The following ZNF385D variants were observed in gnomAD, a reference collection of about 807,000 sequenced individuals.
ZNF385D encodes zinc finger protein 659.
A neutral mutation model predicts 35.8 loss-of-function variants in ZNF385D; 15 were observed. The ratio of observed to expected loss-of-function variants is 0.42; its 90% CI spans 0.28 to 0.64. The LOEUF is 0.64. Among genes scored for constraint, ZNF385D ranks in the 30% least tolerant of loss-of-function variants. The probability of loss-of-function intolerance (pLI) is 0.23; values close to 1 mark genes in which losing one functional copy is unlikely to be tolerated. For synonymous variants in ZNF385D, 212 were observed against 186.8 expected (o/e 1.13, Z -1.10); for missense variants, 474 against 494.6 (o/e 0.96, Z 0.39).
At chr3:22,247,451 A>G (rs1699844436) in intron 2 of ZNF385D, among the ~76,000 whole-genome samples, 1 of 152,166 alleles carries the variant, frequency 6.6e-6, no homozygotes, top group Non-Finnish European at 1.5e-5. Context: ...CAATTATGCC[A>G]TGAAAATTAT....
chr3:21,924,177 A>G (rs942887372), intron 3 of ZNF385D, among the ~76,000 whole-genome samples: 5 of 152,206 alleles, frequency 3.3e-5, no homozygotes, highest in African/African-American at 7.2e-5. Flanking sequence ...GAACAGATGT[A>G]TATTTCCCTA....
At chr3:21,955,276 T>C (rs779657021) in intron 3 of ZNF385D, among the ~76,000 whole-genome samples, 4 of 152,094 alleles carry the variant, frequency 2.6e-5, no homozygotes, top group African/African-American at 4.8e-5. Flanking sequence ...GCAGGTGATA[T>C]AGGAGATGGA....
rs534049919 is a variant in ZNF385D at position 21,723,437 on chromosome 3, C to T, written c.22+27458G>A. 7.9e-5 allele frequency among the ~76,000 whole-genome samples: 12 copies of T among 152,182 alleles called. No individual in the cohort carries two copies. In the South Asian group the frequency reaches 2.5e-3, roughly 32 times the overall value. On this transcript the variant is annotated intron_variant, in intron 1 of 7. Transcript: ENST00000281523. ...TTAGACGAATTGCTAACTAGAATAA[C>T]CAGTTTAGAGAAGAACATAAATGAC...
chr3:22,263,917 A>G (rs149962947), intron 2 of ZNF385D, among the ~76,000 whole-genome samples: 71 of 152,160 alleles, frequency 4.7e-4, no homozygotes, highest in African/African-American at 1.6e-3. Context: ...AGTGTCAAGG[A>G]TGATAAATTC....
chr3:22,066,220 A>G lies in ZNF385D; in HGVS notation c.325+102597T>C, dbSNP rs568736592. ...TCAAAAGTTATGCTCAGAAAAGAAA[A>G]GAGAGACTGCTTATGAAACAAGTGT... On this transcript the variant is annotated intron_variant, in intron 3 of 5. Transcript: ENST00000494108. Among the ~76,000 whole-genome samples the G allele has an allele frequency of 2.0e-5, 3 of 152,150 alleles. No individual in the cohort carries two copies. The South Asian group carries it at 6.2e-4, about 32-fold the overall frequency.
intron 3 of ZNF385D, among the ~76,000 whole-genome samples, chr3:21,863,347 G>A (rs1697162067): frequency 6.6e-6 from 1 of 152,074 alleles, no homozygotes; most frequent in Admixed American, 6.6e-5. Flanking sequence ...ATTATAACTT[G>A]TAATATATTT....
chr3:22,286,072 G>A (rs1004384469), intron 2 of ZNF385D, among the ~76,000 whole-genome samples: 13 of 152,208 alleles, frequency 8.5e-5, no homozygotes, highest in African/African-American at 2.9e-4. Context: ...CTACAGTGGT[G>A]TACAGGTAGC....
chr3:22,123,279 T>C (rs1703207399), intron 3 of ZNF385D, among the ~76,000 whole-genome samples: 1 of 151,212 alleles, frequency 6.6e-6, no homozygotes, highest in Admixed American at 6.6e-5. Flanking sequence ...AGTTCAAGAG[T>C]ACAGTTTTAC....
At chr3:22,169,137 A>G in intron 2 of ZNF385D, 1 of 430,374 alleles carries the variant, frequency 2.3e-6, no homozygotes, top group Non-Finnish European at 3.1e-6. Context: ...ACACACAAGA[A>G]TTAAAAATTT....
chr3:22,303,354 C>A (rs762548652), intron 2 of ZNF385D, among the ~76,000 whole-genome samples: 1 of 152,090 alleles, frequency 6.6e-6, no homozygotes, highest in Non-Finnish European at 1.5e-5. Flanking sequence ...AAACATATGG[C>A]CTGTCTCTTG....
chr3:22,283,343 T>C (rs1701865329), intron 2 of ZNF385D, among the ~76,000 whole-genome samples: 1 of 152,100 alleles, frequency 6.6e-6, no homozygotes, highest in Non-Finnish European at 1.5e-5. Context: ...CTAACAGATA[T>C]TTACAGAACA....
At chr3:22,148,141 C>T (rs565275396) in intron 3 of ZNF385D, among the ~76,000 whole-genome samples, 1 of 152,050 alleles carries the variant, frequency 6.6e-6, no homozygotes, top group South Asian at 2.1e-4. Context: ...CATATAGAAC[C>T]ATATAATTCA....
chr3:21,665,100 G>T, intron 1 of ZNF385D, 72 bp from the exon 2 acceptor site: 1 of 1,483,576 alleles, frequency 6.7e-7, no homozygotes, highest in South Asian at 1.4e-5. Flanking sequence ...TTGCTTTTGA[G>T]ACAAAAAAGG....
chr3:22,236,853 G>A (rs1699213665), intron 2 of ZNF385D, among the ~76,000 whole-genome samples: 1 of 152,086 alleles, frequency 6.6e-6, no homozygotes, highest in Admixed American at 6.6e-5. Context: ...AATGTAGCAT[G>A]GATCAGTATT....
intron 3 of ZNF385D, among the ~76,000 whole-genome samples, chr3:21,830,963 A>G (rs1694954277): frequency 6.6e-6 from 1 of 152,174 alleles, no homozygotes. Flanking sequence ...TATTCTGTTA[A>G]AAACTAGTAT....
chr3:21,878,500 A>G (rs1356438713), intron 3 of ZNF385D, among the ~76,000 whole-genome samples: 1 of 150,852 alleles, frequency 6.6e-6, no homozygotes, highest in Non-Finnish European at 1.5e-5. Context: ...TTGAAAATCT[A>G]TTTTGTGTTT....
chr3:21,654,699 G>GACTT (rs1012849308), intron 2 of ZNF385D, among the ~76,000 whole-genome samples: 3 of 151,920 alleles, frequency 2.0e-5, no homozygotes, highest in African/African-American at 7.2e-5. Context: ...AAATGAAATA[G>GACTT]ACTTACAAAA....
At chr3:22,298,139 T>C (rs1430730569) in intron 2 of ZNF385D, among the ~76,000 whole-genome samples, 1 of 151,818 alleles carries the variant, frequency 6.6e-6, no homozygotes, top group African/African-American at 2.4e-5. Context: ...TCAAATGAAG[T>C]TAAAATCAAA....
At chr3:22,137,886 G>A (rs898551849) in intron 3 of ZNF385D, among the ~76,000 whole-genome samples, 26 of 152,134 alleles carry the variant, frequency 1.7e-4, no homozygotes, top group African/African-American at 6.3e-4. Context: ...AATTGTCCCT[G>A]TTTGCAGATG....
Sources: gnomAD v4.1 joint callset for allele counts (sites outside exome capture counted in the v4.1 genomes callset) on GRCh38, gnomAD v4.1.1 for gene constraint, MANE v1.5 for transcripts, NCBI Gene and HGNC (gene_info 2026-07-23, HGNC 2026-07-21) for gene names.